Variants in PPP2R2C observed in about 807,000 individuals in gnomAD.
The protein encoded by PPP2R2C is protein phosphatase 2 regulatory subunit Bgamma, also known as protein phosphatase 2, regulatory subunit B, gamma.
A neutral mutation model predicts 45.3 loss-of-function variants in PPP2R2C; 10 were observed. That is an observed-to-expected ratio of 0.22 (90% CI 0.14 to 0.37). The LOEUF (loss-of-function observed/expected upper bound fraction) is 0.37. Ranked by LOEUF, PPP2R2C falls within the 10% of genes least tolerant of loss-of-function variation. PPP2R2C has a pLI of 1.00. For synonymous variants in PPP2R2C, 257 were observed against 245.4 expected, an observed-to-expected ratio of 1.05 and a Z score of -0.44; for missense variants, 308 against 619.7, an observed-to-expected ratio of 0.50 and a Z score of 5.34.
chr4:6,338,963 C>T (rs751999119), intron 6 of PPP2R2C, among the ~76,000 whole-genome samples: 52 of 152,348 alleles, frequency 3.4e-4, no homozygotes, highest in Non-Finnish European at 5.4e-4. Flanking sequence ...GAGGCGATGG[C>T]CCAGTGTGGG....
intron 2 of PPP2R2C, among the ~76,000 whole-genome samples, chr4:6,480,071 C>T (rs147440222): frequency 9.7e-4 from 147 of 152,206 alleles, no homozygotes; most frequent in African/African-American, 3.3e-3. Flanking sequence ...AGTTCCTTTA[C>T]ATCCCTTCCT....
chr4:6,367,106 C>T (rs999966423), intron 5 of PPP2R2C, among the ~76,000 whole-genome samples: 8 of 151,900 alleles, frequency 5.3e-5, no homozygotes, highest in African/African-American at 1.7e-4. Context: ...GTGACTACAC[C>T]GAGACAGGTC....
At chr4:6,476,241 G>T (rs1048119386), upstream of PPP2R2C, among the ~76,000 whole-genome samples, 1 of 152,166 alleles carries the variant, frequency 6.6e-6, no homozygotes, top group East Asian at 1.9e-4. Flanking sequence ...AGGAAAGGGC[G>T]CTAGCCACCT....
At chr4:6,347,819 C>T in intron 6 of PPP2R2C, 27 bp downstream of exon 6, 1 of 1,578,324 alleles carries the variant, frequency 6.3e-7, no homozygotes, top group Non-Finnish European at 8.6e-7. Flanking sequence ...AATGCACAGC[C>T]CCCCACCCCC....
intron 6 of PPP2R2C, among the ~76,000 whole-genome samples, chr4:6,336,267 G>C (rs992489390): frequency 1.3e-5 from 2 of 151,954 alleles, no homozygotes; most frequent in African/African-American, 4.8e-5. Context: ...TCGTTCACAG[G>C]GGCGCCCTTC....
At chr4:6,464,782 C>T (rs4689456) in intron 1 of PPP2R2C, among the ~76,000 whole-genome samples, 150,346 of 152,180 alleles carry the variant, frequency 0.99, 74,297 homozygotes, top group Middle Eastern at 1. Context: ...AGAGCATCAT[C>T]CCAAGGTTAA....
chr4:6,391,730 C>T (rs1716657773), intron 1 of PPP2R2C, among the ~76,000 whole-genome samples: 1 of 152,208 alleles, frequency 6.6e-6, no homozygotes, highest in Non-Finnish European at 1.5e-5. Context: ...CACAGTGACC[C>T]TTGGGGGAGC....
chr4:6,410,879 T>G (rs916663639), intron 1 of PPP2R2C, among the ~76,000 whole-genome samples: 1 of 149,046 alleles, frequency 6.7e-6, no homozygotes, highest in African/African-American at 2.6e-5. Context: ...ATTTATTTAT[T>G]TATTTATTAG....
intron 1 of PPP2R2C, among the ~76,000 whole-genome samples, chr4:6,409,584 G>A (rs1431588329): frequency 6.6e-6 from 1 of 152,202 alleles, no homozygotes; most frequent in African/African-American, 2.4e-5. Context: ...GTCTCTGCAG[G>A]AGAGTAAAGT....
At chr4:6,350,386 G>T in intron 5 of PPP2R2C, 1 of 985,462 alleles carries the variant, frequency 1.0e-6, no homozygotes, top group Non-Finnish European at 1.2e-6. Flanking sequence ...ACGCACATTA[G>T]TGCGACGGCC....
intron 2 of PPP2R2C, among the ~76,000 whole-genome samples, chr4:6,502,375 G>A (rs1013398070): frequency 6.6e-6 from 1 of 152,118 alleles, no homozygotes; most frequent in African/African-American, 2.4e-5. Flanking sequence ...CAGCTGTGTG[G>A]ACTGAACAAG....
chr4:6,452,251 C>T (rs1053321899), intron 1 of PPP2R2C, among the ~76,000 whole-genome samples: 9 of 152,144 alleles, frequency 5.9e-5, no homozygotes, highest in East Asian at 3.9e-4. Context: ...AGGGTGACAC[C>T]GCAGGTTCCC....
rs1712379965 is a variant in PPP2R2C, at chr4:6,349,884, T to C, written c.626-1874A>G. Reference sequence around the variant, plus strand: ...CCAGCCTGGTGACAGGGCAAGACTCTGTCAAAAAAAAAGCAAGCAAGCAGT... The same window carrying C: ...CCAGCCTGGTGACAGGGCAAGACTCCGTCAAAAAAAAAGCAAGCAAGCAGT... On this transcript the variant is annotated intron_variant, in intron 5 of 8. Transcript: ENST00000382599. 4.1e-6 allele frequency: 4 copies of C among 984,210 alleles called. No individual in the cohort carries two copies. In the Admixed American group the frequency reaches 1.8e-4, roughly 45 times the overall value. 61.0% of individuals were successfully genotyped at this position (984,210 alleles called of 1,614,324 possible).
Position 6,381,756 on chromosome 4 carries a change from C to T in PPP2R2C, c.71-662G>A, listed in dbSNP as rs747168222. ...TCTTCAGGTCACTCAGGAACCTCTC[C>T]TTATGGAGTCACCCCCATACCTGGA... On this transcript the variant is annotated intron_variant, in intron 1 of 8. Transcript: ENST00000382599. 8 of 1,607,858 alleles carry T rather than the reference C, an allele frequency of 5.0e-6. No individual in the cohort carries two copies. In the South Asian group the frequency reaches 7.8e-5, roughly 16 times the overall value.
rs957102373 is a variant in PPP2R2C, at chr4:6,368,323, G to A, written c.625+4200C>T. 1.4e-4 allele frequency among the ~76,000 whole-genome samples: 21 copies of A among 152,122 alleles called. No individual in the cohort carries two copies. Among genetic ancestry groups the A allele is most frequent in the Non-Finnish European group, 1.5e-5 (1 of 68,034 alleles). On this transcript the variant is annotated intron_variant, in intron 5 of 8. Coordinates refer to ENST00000382599, the MANE Select transcript of PPP2R2C (RefSeq NM_020416.4). The surrounding 1 kb of genome is among the most constrained non-coding windows in gnomAD (Gnocchi z 4.2). ...AAATGTACACGGCTGCGCTGGCTGG[G>A]CCACCGACTCCCTGTAGCACCCACG... is the stretch of plus-strand genomic sequence containing the variant.
chr4:6,527,264 C>G (rs1724236772), intron 2 of PPP2R2C, among the ~76,000 whole-genome samples: 1 of 152,316 alleles, frequency 6.6e-6, no homozygotes, highest in South Asian at 2.1e-4. Context: ...CCTCTCAGGG[C>G]CTCGGTTTAC....
intron 2 of PPP2R2C, among the ~76,000 whole-genome samples, chr4:6,518,430 G>C (rs1325935242): frequency 1.3e-5 from 2 of 152,032 alleles, no homozygotes; most frequent in Non-Finnish European, 2.9e-5. Context: ...AAAGGAGAAG[G>C]ACACAACTGT....
At chr4:6,392,965 C>A (rs73798222) in intron 1 of PPP2R2C, among the ~76,000 whole-genome samples, 3,701 of 152,282 alleles carry the variant, frequency 0.024, 163 homozygotes, top group African/African-American at 0.084. Context: ...TATATGGCTT[C>A]TCTCTCAGGC....
chr4:6,545,157 C>T (rs191217134), intron 1 of PPP2R2C, among the ~76,000 whole-genome samples: 1 of 152,304 alleles, frequency 6.6e-6, no homozygotes, highest in African/African-American at 2.4e-5. Context: ...GGCCTATTGC[C>T]TCCTCCAGAC....
Sources: allele counts gnomAD v4.1 joint callset (sites outside exome capture counted in the v4.1 genomes callset), GRCh38; gene constraint gnomAD v4.1.1; non-coding constraint Gnocchi (gnomAD v3.1); transcripts MANE v1.5; gene names NCBI Gene and HGNC (gene_info 2026-07-23, HGNC 2026-07-21).